The following SORCS3 variants were observed in gnomAD, a reference collection of about 807,000 sequenced individuals.
SORCS3 encodes the protein sortilin related VPS10 domain containing receptor 3, also known as VPS10 domain-containing receptor SorCS3.
Under a neutral mutation model 146.3 loss-of-function variants are expected in SORCS3, and 57 were observed. The ratio of observed to expected loss-of-function variants is 0.39; its 90% CI spans 0.31 to 0.49. The LOEUF (loss-of-function observed/expected upper bound fraction) is 0.49. Ranked by LOEUF, SORCS3 falls within the 20% of genes least tolerant of loss-of-function variation. The probability of loss-of-function intolerance (pLI) is 0.92; values close to 1 mark genes in which losing one functional copy is unlikely to be tolerated. For missense variants in SORCS3, 1,341 were observed against 1,575.5 expected (o/e 0.85, Z 2.52); for synonymous variants, 653 against 618.5 (o/e 1.06, Z -0.83).
At chr10:104,688,115 C>A (rs146525096) in intron 1 of SORCS3, among the ~76,000 whole-genome samples, 1 of 152,228 alleles carries the variant, frequency 6.6e-6, no homozygotes, top group Non-Finnish European at 1.5e-5. Flanking sequence ...TTAACTGGGT[C>A]TCCTGTACTT....
At chr10:104,740,913 A>G (rs2016833467) in intron 1 of SORCS3, among the ~76,000 whole-genome samples, 1 of 151,858 alleles carries the variant, frequency 6.6e-6, no homozygotes, top group East Asian at 1.9e-4. Context: ...CTCATCTTGG[A>G]AATCTCAGTT....
At position 104,763,165 on chromosome 10, in the gene SORCS3, G is replaced by T. The variant is rs148153216; in HGVS notation, c.628-79627G>T. Among the ~76,000 whole-genome samples the T allele has an allele frequency of 2.2e-3, 339 of 152,244 alleles. 2 individuals carry two copies. The highest frequency in any genetic ancestry group is 7.8e-3 in the African/African-American group (325 of 41,524). ...CAAACCTGCTGAATGAGAAACTCAG[G>T]GTGGGAGATTAGACCAGTATTCTGC... is the stretch of plus-strand genomic sequence containing the variant. On this transcript the variant is annotated intron_variant, in intron 1 of 26. Transcript: ENST00000369701.
At chr10:104,891,661 T>G (rs953471136) in intron 2 of SORCS3, among the ~76,000 whole-genome samples, 1 of 152,164 alleles carries the variant, frequency 6.6e-6, no homozygotes, top group Non-Finnish European at 1.5e-5. Flanking sequence ...AGTTCTTAAA[T>G]TGTTTCATGT....
intron 23 of SORCS3, among the ~76,000 whole-genome samples, chr10:105,255,284 G>A (rs2056924589): frequency 6.6e-6 from 1 of 151,828 alleles, no homozygotes; most frequent in Non-Finnish European, 1.5e-5. Flanking sequence ...AGAACACATG[G>A]ACACAGGAAG....
intron 11 of SORCS3, among the ~76,000 whole-genome samples, chr10:105,162,946 C>A (rs550744624): frequency 2.0e-5 from 3 of 152,304 alleles, no homozygotes; most frequent in Admixed American, 1.3e-4. Flanking sequence ...GTTAGCACAA[C>A]CACTAAGCGA....
chr10:105,153,171 T>TATAA (rs923146502), intron 9 of SORCS3, among the ~76,000 whole-genome samples: 5 of 152,288 alleles, frequency 3.3e-5, no homozygotes, highest in African/African-American at 1.2e-4. Flanking sequence ...TCTTTGTCTT[T>TATAA]AGTTTTGCCT....
At chr10:104,942,017 C>T (rs900580711) in intron 3 of SORCS3, among the ~76,000 whole-genome samples, 1 of 152,122 alleles carries the variant, frequency 6.6e-6, no homozygotes, top group Non-Finnish European at 1.5e-5. Flanking sequence ...CTCAATAAAT[C>T]TCCCTGCTAT....
intron 1 of SORCS3, among the ~76,000 whole-genome samples, chr10:104,661,874 A>G (rs1195882990): frequency 1.3e-5 from 2 of 152,138 alleles, no homozygotes; most frequent in African/African-American, 4.8e-5. Flanking sequence ...AGGTGGAAGG[A>G]TGGAAATCCA....
chr10:104,880,001 C>T (rs1391637259), intron 2 of SORCS3, among the ~76,000 whole-genome samples: 1 of 152,148 alleles, frequency 6.6e-6, no homozygotes, highest in Non-Finnish European at 1.5e-5. Flanking sequence ...GATTCCACAG[C>T]TCTAATCCTT....
chr10:104,746,642 G>A (rs1175693722), intron 1 of SORCS3, among the ~76,000 whole-genome samples: 3 of 152,076 alleles, frequency 2.0e-5, no homozygotes, highest in Admixed American at 1.3e-4. Flanking sequence ...TGTACCCTTT[G>A]ATCACCATCT....
chr10:105,055,912 T>C (rs2055442948), intron 5 of SORCS3, among the ~76,000 whole-genome samples: 2 of 152,230 alleles, frequency 1.3e-5, no homozygotes, highest in Non-Finnish European at 2.9e-5. Flanking sequence ...TATCAGATCA[T>C]ATGTACTTTA....
In SORCS3 at chr10:104,641,477, T is replaced by G. The variant is rs1280239987; in HGVS notation, c.150T>G (p.Ala50=). ...TGGPGRPAAP[A]SRPPALSPLS... is the part of the protein sequence containing the mutation. ...GTCCCGGACGCCCGGCGGCCCCGGCTTCGCGGCCACCGGCGTTGTCTCCAC... is the reference window on the plus strand; with the variant it reads ...GTCCCGGACGCCCGGCGGCCCCGGCGTCGCGGCCACCGGCGTTGTCTCCAC... Residue 50 remains alanine, a synonymous_variant, in exon 1 of 27, where the codon GCT becomes GCG. Transcript: ENST00000369701. The surrounding 1 kb of genome is among the most constrained non-coding windows in gnomAD (Gnocchi z 6.4). 24 of 1,467,424 alleles carry G rather than the reference T, an allele frequency of 1.6e-5. No homozygotes were observed. The highest frequency in any genetic ancestry group is 2.1e-5 in the Non-Finnish European group (23 of 1,117,130). The allele number at this position is 1,467,424 out of a possible 1,614,324, so 90.9% of individuals were successfully genotyped here.
intron 5 of SORCS3, among the ~76,000 whole-genome samples, chr10:105,058,235 A>C (rs893891232): frequency 6.6e-6 from 1 of 152,188 alleles, no homozygotes; most frequent in African/African-American, 2.4e-5. Flanking sequence ...CTGATCTATA[A>C]AAGGCACCAC....
chr10:105,159,065 A>G, intron 11 of SORCS3, 71 bp downstream of exon 11: 1 of 1,109,588 alleles, frequency 9.0e-7, no homozygotes, highest in Non-Finnish European at 1.3e-6. Flanking sequence ...CTCTTTTTGG[A>G]TCATGGACTC....
intron 16 of SORCS3, among the ~76,000 whole-genome samples, chr10:105,208,554 T>A (rs1176291398): frequency 6.6e-6 from 1 of 151,194 alleles, no homozygotes; most frequent in Non-Finnish European, 1.5e-5. Flanking sequence ...ACCACAACAT[T>A]ATATAATATT....
At chr10:105,187,942 T>G (rs1040532763) in intron 14 of SORCS3, among the ~76,000 whole-genome samples, 1 of 152,156 alleles carries the variant, frequency 6.6e-6, no homozygotes, top group African/African-American at 2.4e-5. Flanking sequence ...CTGACATTCA[T>G]GGAATCAGTT....
intron 1 of SORCS3, among the ~76,000 whole-genome samples, chr10:104,695,813 T>C (rs1224638597): frequency 6.6e-6 from 1 of 151,370 alleles, no homozygotes; most frequent in African/African-American, 2.4e-5. Context: ...TGCATAATAC[T>C]CCATTAAATA....
intron 3 of SORCS3, among the ~76,000 whole-genome samples, chr10:104,940,695 A>C (rs1051729925): frequency 6.6e-6 from 1 of 152,154 alleles, no homozygotes; most frequent in African/African-American, 2.4e-5. Flanking sequence ...ATAGTGCCGC[A>C]GTAAACATAC....
intron 14 of SORCS3, 42 bp from the exon 15 acceptor site, chr10:105,199,954 GGAC>G (rs779110166): frequency 1.1e-5 from 15 of 1,395,012 alleles, no homozygotes; most frequent in Non-Finnish European, 1.5e-5. Context: ...ACTGACTATG[GGAC>G]TTTCTCCCCT....
Sources: gnomAD v4.1 joint callset for allele counts (sites outside exome capture counted in the v4.1 genomes callset) on GRCh38, gnomAD v4.1.1 for gene constraint, Gnocchi (gnomAD v3.1) non-coding constraint, MANE v1.5 for transcripts, NCBI Gene and HGNC (gene_info 2026-07-23, HGNC 2026-07-21) for gene names.